PDE4D: variants seen among roughly 807,000 people sequenced by gnomAD.
PDE4D encodes phosphodiesterase 4D.
In PDE4D, 24 loss-of-function variants were observed where a neutral mutation model predicts 87.4. The observed-to-expected ratio is 0.27, with a 90% CI of 0.20 to 0.39. The LOEUF is 0.39. Ranked by LOEUF, PDE4D falls within the 10% of genes least tolerant of loss-of-function variation. The probability of loss-of-function intolerance (pLI) is 1.00; values close to 1 mark genes in which losing one functional copy is unlikely to be tolerated. For missense variants in PDE4D, 714 were observed against 1,041.0 expected, an observed-to-expected ratio of 0.69 and a Z score of 4.32; for synonymous variants, 384 against 383.2, an observed-to-expected ratio of 1.00 and a Z score of -0.02.
chr5:60,161,511 G>A (rs1747793539), intron 2 of PDE4D, among the ~76,000 whole-genome samples: 1 of 151,930 alleles, frequency 6.6e-6, no homozygotes, highest in South Asian at 2.1e-4. Context: ...ACTTGAAAAC[G>A]GTCTTCCTAC....
chr5:59,104,994 C>A lies in PDE4D; in HGVS notation c.809-66023G>T, dbSNP rs62356693. ...TACTGTGATACACATAGTATTTGAGCTGTTCCGCAAGACAGAAGCCAATTA... is the reference window on the plus strand; with the variant it reads ...TACTGTGATACACATAGTATTTGAGATGTTCCGCAAGACAGAAGCCAATTA... On this transcript the variant is annotated intron_variant, in intron 5 of 14. Transcript: ENST00000340635. Among the ~76,000 whole-genome samples, 913 of 152,334 alleles carry A rather than the reference C, an allele frequency of 6.0e-3. 6 individuals carry two copies. Among genetic ancestry groups the A allele is most frequent in the Middle Eastern group, 0.01 (3 of 294 alleles).
At chr5:59,768,336 G>C in intron 1 of PDE4D, 1 of 1,598,334 alleles carries the variant, frequency 6.3e-7, no homozygotes, top group Non-Finnish European at 8.5e-7. Flanking sequence ...TTCTCGGAGA[G>C]ATCACTGGAG....
chr5:59,583,440 T>C (rs190110571), intron 1 of PDE4D, among the ~76,000 whole-genome samples: 1 of 152,344 alleles, frequency 6.6e-6, no homozygotes, highest in East Asian at 1.9e-4. Context: ...AAGAGCTATA[T>C]AGTACTTATC....
At chr5:60,222,034 C>T (rs1322432074) in intron 1 of PDE4D, among the ~76,000 whole-genome samples, 1 of 152,106 alleles carries the variant, frequency 6.6e-6, no homozygotes, top group East Asian at 1.9e-4. Flanking sequence ...TAGCCACACC[C>T]TTCTCCCCGC....
At chr5:59,003,004 T>TA (rs1471283915) in intron 6 of PDE4D, among the ~76,000 whole-genome samples, 3 of 152,304 alleles carry the variant, frequency 2.0e-5, no homozygotes, top group South Asian at 4.2e-4. Context: ...TACTAATATT[T>TA]AAAAAAATTC....
chr5:60,065,563 A>T (rs1331425431), intron 2 of PDE4D, among the ~76,000 whole-genome samples: 1 of 151,690 alleles, frequency 6.6e-6, no homozygotes, highest in East Asian at 1.9e-4. Flanking sequence ...CATTAGGTAT[A>T]TCTCCTAATG....
At chr5:60,301,048 C>T (rs991799325) in intron 1 of PDE4D, among the ~76,000 whole-genome samples, 8 of 152,150 alleles carry the variant, frequency 5.3e-5, no homozygotes, top group Admixed American at 1.3e-4. Context: ...GGGTTACAGG[C>T]GTGAGCCAAT....
At chr5:59,412,974 T>C (rs976097343) in intron 1 of PDE4D, among the ~76,000 whole-genome samples, 1 of 145,690 alleles carries the variant, frequency 6.9e-6, no homozygotes, top group Non-Finnish European at 1.5e-5. Flanking sequence ...ATCAGCCAAA[T>C]TTAAACTTGT....
chr5:59,167,984 A>G (rs983536227), intron 5 of PDE4D, among the ~76,000 whole-genome samples: 2 of 152,158 alleles, frequency 1.3e-5, no homozygotes. Flanking sequence ...AAAGAATGTC[A>G]TAAACACCCA....
intron 1 of PDE4D, among the ~76,000 whole-genome samples, chr5:59,281,878 G>T (rs1227133032): frequency 6.6e-6 from 1 of 152,040 alleles, no homozygotes; most frequent in Non-Finnish European, 1.5e-5. Context: ...CATTATTAAA[G>T]AAAAAACAAT....
chr5:59,393,875 A>C (rs1788748835), intron 1 of PDE4D, among the ~76,000 whole-genome samples: 1 of 152,246 alleles, frequency 6.6e-6, no homozygotes, highest in Non-Finnish European at 1.5e-5. Context: ...GCATTTCAGA[A>C]ATAATCTTTT....
chr5:59,583,367 A>AGGC (rs1561263417), intron 1 of PDE4D, among the ~76,000 whole-genome samples: 2 of 152,158 alleles, frequency 1.3e-5, no homozygotes, highest in Non-Finnish European at 2.9e-5. Context: ...CAACCATGCC[A>AGGC]TACTTGTTCC....
chr5:60,239,957 A>C (rs1234789538), intron 1 of PDE4D, among the ~76,000 whole-genome samples: 14 of 152,110 alleles, frequency 9.2e-5, no homozygotes, highest in Admixed American at 9.2e-4. Flanking sequence ...CAACCAATTA[A>C]ACATAAGCAG....
intron 3 of PDE4D, among the ~76,000 whole-genome samples, chr5:59,188,727 C>T (rs896934215): frequency 6.6e-6 from 1 of 152,078 alleles, no homozygotes; most frequent in Non-Finnish European, 1.5e-5. Flanking sequence ...CCGGAAAAAG[C>T]TGGAGTCAAG....
intron 3 of PDE4D, among the ~76,000 whole-genome samples, chr5:59,909,979 C>T (rs1446190682): frequency 1.3e-5 from 2 of 152,166 alleles, no homozygotes; most frequent in African/African-American, 4.8e-5. Context: ...ATACCCCCCA[C>T]CATCGTACTT....
intron 2 of PDE4D, among the ~76,000 whole-genome samples, chr5:60,141,041 A>T (rs1324525899): frequency 1.3e-5 from 2 of 152,190 alleles, no homozygotes; most frequent in Non-Finnish European, 2.9e-5. Context: ...TATAATTATC[A>T]GCTCTTTTTT....
At chr5:60,305,475 A>G (rs1754413458) in intron 1 of PDE4D, among the ~76,000 whole-genome samples, 2 of 152,072 alleles carry the variant, frequency 1.3e-5, no homozygotes, top group Non-Finnish European at 2.9e-5. Context: ...GGGAGCTAAC[A>G]TATAGCTCAT....
intron 1 of PDE4D, among the ~76,000 whole-genome samples, chr5:59,407,936 G>A (rs1243433219): frequency 6.6e-6 from 1 of 152,174 alleles, no homozygotes; most frequent in Non-Finnish European, 1.5e-5. Context: ...GGGAAGCAGA[G>A]CTTACAAGTG....
At chr5:59,160,824 G>C (rs1055018193) in intron 5 of PDE4D, among the ~76,000 whole-genome samples, 5 of 152,168 alleles carry the variant, frequency 3.3e-5, no homozygotes, top group African/African-American at 1.2e-4. Flanking sequence ...TTGGCCGGGT[G>C]TGGTGGCTCA....
Sources: allele counts gnomAD v4.1 joint callset (sites outside exome capture counted in the v4.1 genomes callset), GRCh38; gene constraint gnomAD v4.1.1; transcripts MANE v1.5; gene names NCBI Gene and HGNC (gene_info 2026-07-23, HGNC 2026-07-21).